Variants in CSMD2 observed in about 807,000 individuals in gnomAD.
CSMD2 encodes CUB and Sushi multiple domains 2.
Under a neutral mutation model 398.5 loss-of-function variants are expected in CSMD2, and 130 were observed. That is an observed-to-expected ratio of 0.33 (90% CI 0.28 to 0.38). The LOEUF is 0.38. Ranked by LOEUF, CSMD2 falls within the 10% of genes least tolerant of loss-of-function variation. The pLI, the probability that CSMD2 is intolerant of heterozygous loss-of-function variation, is 1.00. For missense variants in CSMD2, 3,829 were observed against 4,764.9 expected, an observed-to-expected ratio of 0.80 and a Z score of 5.78; for synonymous variants, 1,828 against 1,908.5, an observed-to-expected ratio of 0.96 and a Z score of 1.10.
At chr1:33,925,477 T>C (rs1294400033) in intron 4 of CSMD2, among the ~76,000 whole-genome samples, 1 of 152,258 alleles carries the variant, frequency 6.6e-6, no homozygotes, top group Non-Finnish European at 1.5e-5. Context: ...CCAGGTAGAA[T>C]GATGCTTCCA....
intron 24 of CSMD2, among the ~76,000 whole-genome samples, chr1:33,698,458 C>G (rs943257501): frequency 1.3e-5 from 2 of 152,200 alleles, no homozygotes; most frequent in Non-Finnish European, 2.9e-5. Context: ...CACCTCATCG[C>G]TATCACCCGC....
chr1:34,165,348 T>G, upstream of CSMD2: 3 of 1,195,424 alleles, frequency 2.5e-6, no homozygotes, highest in Non-Finnish European at 3.1e-6. Flanking sequence ...ATCCCCGGAT[T>G]AATCACTCCG....
chr1:34,027,460 A>G (rs892171259), intron 3 of CSMD2, among the ~76,000 whole-genome samples: 1 of 152,216 alleles, frequency 6.6e-6, no homozygotes, highest in East Asian at 1.9e-4. Flanking sequence ...GACACGATGG[A>G]ATTATGTATA....
At chr1:34,136,848 T>G (rs995444191) in intron 1 of CSMD2, among the ~76,000 whole-genome samples, 4 of 152,180 alleles carry the variant, frequency 2.6e-5, no homozygotes, top group Non-Finnish European at 5.9e-5. Context: ...TTGCTGTCCA[T>G]TCCATCATTT....
intron 24 of CSMD2, among the ~76,000 whole-genome samples, chr1:33,695,854 A>C (rs746459007): frequency 1.3e-5 from 2 of 152,208 alleles, no homozygotes; most frequent in Non-Finnish European, 2.9e-5. Context: ...CTGAATAAAC[A>C]TCCTCGCTGT....
chr1:34,157,698 TC>T, intron 1 of CSMD2, among the ~76,000 whole-genome samples: 1 of 149,500 alleles, frequency 6.7e-6, no homozygotes, highest in East Asian at 2.0e-4. Flanking sequence ...CTCAATCCTA[TC>T]CCATTCCATT....
intron 2 of CSMD2, among the ~76,000 whole-genome samples, chr1:34,072,041 G>T (rs1655785200): frequency 6.6e-6 from 1 of 152,146 alleles, no homozygotes; most frequent in South Asian, 2.1e-4. Context: ...GGCCAAGCTG[G>T]GACAGAACCC....
chr1:33,988,160 T>C (rs916943061), intron 3 of CSMD2, among the ~76,000 whole-genome samples: 1 of 152,216 alleles, frequency 6.6e-6, no homozygotes, highest in African/African-American at 2.4e-5. Context: ...TTACTGGGCT[T>C]AATACATACC....
chr1:33,672,140 T>C (rs1461914990), intron 25 of CSMD2, among the ~76,000 whole-genome samples: 2 of 152,048 alleles, frequency 1.3e-5, no homozygotes, highest in East Asian at 1.9e-4. Context: ...GTGGGTGCAG[T>C]GCACCGTGTG....
At chr1:33,535,282 C>T (rs1163310756) in intron 62 of CSMD2, among the ~76,000 whole-genome samples, 1 of 152,196 alleles carries the variant, frequency 6.6e-6, no homozygotes, top group Non-Finnish European at 1.5e-5. Flanking sequence ...TGCTGTGTTC[C>T]TCAACACCCC....
At chr1:33,824,726 G>A (rs1046903810) in intron 7 of CSMD2, among the ~76,000 whole-genome samples, 1 of 152,266 alleles carries the variant, frequency 6.6e-6, no homozygotes, top group African/African-American at 2.4e-5. Flanking sequence ...GACAAGCAGG[G>A]AGAGAAGAGG....
intron 6 of CSMD2, among the ~76,000 whole-genome samples, chr1:33,846,676 T>C (rs1186870775): frequency 6.6e-6 from 1 of 152,184 alleles, no homozygotes; most frequent in Non-Finnish European, 1.5e-5. Context: ...TCCAGCTACA[T>C]AATTTGGGAA....
chr1:33,694,659 A>G (rs1266579656), intron 24 of CSMD2, among the ~76,000 whole-genome samples: 1 of 152,134 alleles, frequency 6.6e-6, no homozygotes, highest in Non-Finnish European at 1.5e-5. Flanking sequence ...AGGAACTGTG[A>G]GTCAATTAAG....
Position 34,121,553 on chromosome 1 carries a change from T to C in CSMD2, c.188-32360A>G, listed in dbSNP as rs369202335. Among the ~76,000 whole-genome samples the C allele has an allele frequency of 1.8e-3, 273 of 152,316 alleles. 1 individual carries two copies. The highest frequency in any genetic ancestry group is 6.2e-3 in the African/African-American group (257 of 41,562). On this transcript the variant is annotated intron_variant, in intron 1 of 70. Transcript: ENST00000373381. The stretch of plus-strand genomic sequence containing the variant: ...TGTGCATACAAATCACCTTGGCATT[T>C]AGTAGGTCTGGGTGGGGCTTGAAAA...
intron 3 of CSMD2, among the ~76,000 whole-genome samples, chr1:33,940,954 A>G (rs1337364217): frequency 3.9e-5 from 6 of 152,212 alleles, no homozygotes; most frequent in Admixed American, 3.9e-4. Context: ...GATAAGCTAC[A>G]AAGCGAATCC....
chr1:33,756,378 G>T (rs1485403542), intron 13 of CSMD2, among the ~76,000 whole-genome samples: 1 of 152,200 alleles, frequency 6.6e-6, no homozygotes, highest in Non-Finnish European at 1.5e-5. Context: ...CACCAAGATG[G>T]ATAAGCAAGT....
At chr1:33,873,006 T>C (rs1390326167) in intron 5 of CSMD2, among the ~76,000 whole-genome samples, 4 of 152,220 alleles carry the variant, frequency 2.6e-5, no homozygotes, top group Non-Finnish European at 4.4e-5. Flanking sequence ...GCAGTGTTTA[T>C]AGCCATTCCT....
At chr1:33,640,115 C>G (rs536499808) in intron 29 of CSMD2, among the ~76,000 whole-genome samples, 22 of 152,140 alleles carry the variant, frequency 1.4e-4, no homozygotes, top group Middle Eastern at 3.4e-3. Context: ...TAAATAAAAC[C>G]CAAGCCCTTC....
intron 8 of CSMD2, 35 bp from the exon 9 acceptor site, chr1:33,819,872 T>C: frequency 6.2e-7 from 1 of 1,611,306 alleles, no homozygotes; most frequent in South Asian, 1.1e-5. Context: ...GCTCCATCCC[T>C]GGGCCTGCCA....
Sources: gnomAD v4.1 joint callset for allele counts (sites outside exome capture counted in the v4.1 genomes callset) on GRCh38, gnomAD v4.1.1 for gene constraint, MANE v1.5 for transcripts, NCBI Gene and HGNC (gene_info 2026-07-23, HGNC 2026-07-21) for gene names.